PTPRD: variants seen among roughly 807,000 people sequenced by gnomAD.
PTPRD encodes the protein receptor-type tyrosine-protein phosphatase delta.
In PTPRD, 34 loss-of-function variants were observed where a neutral mutation model predicts 214.5. The observed-to-expected ratio is 0.16, with a 90% CI of 0.12 to 0.21. The LOEUF is 0.21. Ranked by LOEUF, PTPRD falls within the 10% of genes least tolerant of loss-of-function variation. PTPRD has a pLI of 1.00. For missense variants in PTPRD, 2,545 were observed against 2,398.7 expected (o/e 1.06, Z -1.27); for synonymous variants, 1,128 against 845.7 (o/e 1.33, Z -5.79).
At chr9:9,918,541 T>C (rs2081611615) in intron 5 of PTPRD, among the ~76,000 whole-genome samples, 1 of 151,856 alleles carries the variant, frequency 6.6e-6, no homozygotes, top group Non-Finnish European at 1.5e-5. Flanking sequence ...TTCAAATAAA[T>C]AGAAAAAAAA....
chr9:8,902,925 G>T (rs972181391), intron 11 of PTPRD, among the ~76,000 whole-genome samples: 2 of 152,078 alleles, frequency 1.3e-5, no homozygotes, highest in African/African-American at 4.8e-5. Context: ...AAGGGCTTAG[G>T]TGCTTTATTG....
intron 2 of PTPRD, among the ~76,000 whole-genome samples, chr9:10,481,610 T>C (rs1266573944): frequency 6.6e-6 from 1 of 152,138 alleles, no homozygotes; most frequent in Non-Finnish European, 1.5e-5. Flanking sequence ...AATGCATAAG[T>C]GAATGAATGA....
At chr9:8,728,260 G>A (rs1362756458) in intron 12 of PTPRD, among the ~76,000 whole-genome samples, 1 of 152,110 alleles carries the variant, frequency 6.6e-6, no homozygotes, top group Non-Finnish European at 1.5e-5. Context: ...CGAAAAAAAA[G>A]AACATTTTCA....
intron 11 of PTPRD, among the ~76,000 whole-genome samples, chr9:8,846,418 G>A (rs1044175247): frequency 1.3e-5 from 2 of 152,072 alleles, no homozygotes; most frequent in African/African-American, 4.8e-5. Context: ...TGGCTTCCAG[G>A]TACTCCTAAT....
chr9:10,398,627 T>C (rs896863059), intron 2 of PTPRD, among the ~76,000 whole-genome samples: 1 of 151,988 alleles, frequency 6.6e-6, no homozygotes, highest in South Asian at 2.1e-4. Context: ...ATGCTTCTTA[T>C]AATTCAGTGT....
intron 7 of PTPRD, among the ~76,000 whole-genome samples, chr9:9,585,960 T>C (rs2091871753): frequency 1.3e-5 from 2 of 151,962 alleles, no homozygotes; most frequent in Admixed American, 1.3e-4. Flanking sequence ...CTTTGGGAGA[T>C]ATATTTGGCT....
At chr9:10,544,850 T>C (rs2059866623) in intron 2 of PTPRD, among the ~76,000 whole-genome samples, 1 of 152,192 alleles carries the variant, frequency 6.6e-6, no homozygotes, top group Admixed American at 6.5e-5. Flanking sequence ...ATTTTGGACA[T>C]TACTACATAA....
intron 27 of PTPRD, among the ~76,000 whole-genome samples, chr9:8,492,189 G>A (rs566008179): frequency 1.3e-5 from 2 of 152,140 alleles, no homozygotes; most frequent in South Asian, 2.1e-4. Context: ...CCCACAGCAG[G>A]GGGTGGGGAA....
intron 11 of PTPRD, among the ~76,000 whole-genome samples, chr9:8,937,477 T>C (rs1473140689): frequency 1.3e-5 from 2 of 152,140 alleles, no homozygotes; most frequent in Non-Finnish European, 2.9e-5. Flanking sequence ...TGGATGACTG[T>C]CATAAATCAG....
chr9:9,437,366 G>T (rs1010511521), intron 8 of PTPRD, among the ~76,000 whole-genome samples: 3 of 151,894 alleles, frequency 2.0e-5, no homozygotes, highest in African/African-American at 4.8e-5. Context: ...TATAATTTTT[G>T]ATTGCACTGT....
intron 2 of PTPRD, among the ~76,000 whole-genome samples, chr9:10,440,361 C>T (rs79596909): frequency 0.014 from 2,181 of 151,776 alleles, 42 homozygotes; most frequent in African/African-American, 0.048. Flanking sequence ...CTTCAAAATA[C>T]AATTTGCTAT....
intron 8 of PTPRD, among the ~76,000 whole-genome samples, chr9:9,522,022 T>C (rs1197147827): frequency 2.6e-5 from 4 of 151,996 alleles, no homozygotes; most frequent in African/African-American, 7.3e-5. Context: ...CCTGGTGTGG[T>C]GGCATACGCC....
At chr9:9,115,395 T>C (rs546312932) in intron 10 of PTPRD, among the ~76,000 whole-genome samples, 1 of 152,058 alleles carries the variant, frequency 6.6e-6, no homozygotes, top group Admixed American at 6.6e-5. Context: ...CCATCACTAA[T>C]CATCAGGAAA....
chr9:8,930,300 T>C lies in PTPRD; in HGVS notation c.-104+88397A>G, dbSNP rs2098943346. Among the ~76,000 whole-genome samples, 2 of 152,056 alleles carry C rather than the reference T, an allele frequency of 1.3e-5. 1 individual carries two copies. Among genetic ancestry groups the C allele is most frequent in the African/African-American group, 4.8e-5 (2 of 41,398 alleles). On this transcript the variant is annotated intron_variant, in intron 11 of 45. Coordinates refer to ENST00000381196, the MANE Select transcript of PTPRD (RefSeq NM_002839.4). ...TACAAAGGACATGAACTCATCCTTT[T>C]TAATGGCTGCATAGTATTCCATGGT... is the stretch of plus-strand genomic sequence containing the variant.
At chr9:10,591,402 T>A (rs980044080) in intron 2 of PTPRD, among the ~76,000 whole-genome samples, 1 of 152,062 alleles carries the variant, frequency 6.6e-6, no homozygotes, top group African/African-American at 2.4e-5. Context: ...TGGAGCTATC[T>A]TAATTTTGTC....
chr9:9,500,000 C>T (rs552329524), intron 8 of PTPRD, among the ~76,000 whole-genome samples: 1 of 152,018 alleles, frequency 6.6e-6, no homozygotes, highest in East Asian at 1.9e-4. Context: ...CTTGGGCTGC[C>T]CCTTGAATAT....
intron 2 of PTPRD, among the ~76,000 whole-genome samples, chr9:10,381,236 T>C (rs2097818948): frequency 2.6e-5 from 4 of 152,132 alleles, no homozygotes; most frequent in South Asian, 4.1e-4. Flanking sequence ...ACAAATTTTA[T>C]CTTTTCTTTA....
intron 10 of PTPRD, among the ~76,000 whole-genome samples, chr9:9,162,615 A>AT (rs571795880): frequency 6.6e-5 from 10 of 151,710 alleles, no homozygotes; most frequent in Admixed American, 2.6e-4. Flanking sequence ...TTGCATCTCC[A>AT]TTTTCTCCAC....
At chr9:10,034,431 T>TA (rs2097140785) in intron 3 of PTPRD, among the ~76,000 whole-genome samples, 1 of 146,828 alleles carries the variant, frequency 6.8e-6, no homozygotes, top group Admixed American at 6.9e-5. Flanking sequence ...TTTTTTTTTT[T>TA]AAGAACTTTT....
Sources: gnomAD v4.1 joint callset for allele counts (sites outside exome capture counted in the v4.1 genomes callset) on GRCh38, gnomAD v4.1.1 for gene constraint, MANE v1.5 for transcripts, NCBI Gene and HGNC (gene_info 2026-07-23, HGNC 2026-07-21) for gene names.